Variants in AKAP8 observed in about 807,000 individuals in gnomAD.
The protein encoded by AKAP8 is A-kinase anchor protein 8.
A neutral mutation model predicts 67.5 loss-of-function variants in AKAP8; 24 were observed. That is an observed-to-expected ratio of 0.36 (90% CI 0.26 to 0.50). The LOEUF (loss-of-function observed/expected upper bound fraction) is 0.50, where lower values mean the gene tolerates loss of function less well. Among genes scored for constraint, AKAP8 ranks in the 20% least tolerant of loss-of-function variants. The pLI, the probability that AKAP8 is intolerant of heterozygous loss-of-function variation, is 0.97. For missense variants in AKAP8, 971 were observed against 955.9 expected (o/e 1.02, Z -0.21); for synonymous variants, 400 against 371.1 (o/e 1.08, Z -0.90).
intron 9 of AKAP8, among the ~76,000 whole-genome samples, chr19:15,364,339 TTTTA>T (rs1487249972): frequency 3.4e-5 from 5 of 148,046 alleles, no homozygotes; most frequent in African/African-American, 1.3e-4. Flanking sequence ...ATTTTTGTAT[TTTTA>T]TTTTATTTTA....
intron 1 of AKAP8, among the ~76,000 whole-genome samples, chr19:15,378,369 A>C (rs1226795107): frequency 6.6e-6 from 1 of 152,216 alleles, no homozygotes; most frequent in East Asian, 1.9e-4. Flanking sequence ...ACGCTCCCGG[A>C]AACACAAGAA....
chr19:15,372,371 T>C (rs771787290), intron 5 of AKAP8, 24 bp from the exon 6 acceptor site: 14 of 1,612,084 alleles, frequency 8.7e-6, no homozygotes, highest in Middle Eastern at 1.7e-4. Context: ...GCACACCCCA[T>C]GAGCTACTTA....
intron 4 of AKAP8, 107 bp downstream of exon 4, chr19:15,373,679 A>G: frequency 1.5e-6 from 2 of 1,352,326 alleles, no homozygotes; most frequent in South Asian, 1.4e-5. Context: ...TGCCACACCC[A>G]AGAGGGAGGC....
intron 13 of AKAP8, 116 bp downstream of exon 13, chr19:15,358,851 A>T: frequency 2.2e-6 from 2 of 929,086 alleles, no homozygotes; most frequent in Non-Finnish European, 3.5e-6. Flanking sequence ...AGTGTCCCTC[A>T]ACTGTCAAAA....
Position 15,355,271 on chromosome 19 carries a change from C to T in AKAP8, c.1723G>A (p.Ala575Thr), listed in dbSNP as rs1472042670. The change falls in exon 14 of 14, where the codon GCG (alanine) becomes ACG (threonine). Residue 575 changes from alanine to threonine, a missense_variant. Ala to Thr is a moderately conservative substitution (Grantham distance 58, BLOSUM62 0). Around this residue, in one of 3 missense-constraint regions of AKAP8, gnomAD observed 204 missense variants for 193.0 expected, o/e 1.06. Coordinates refer to ENST00000269701, the MANE Select transcript of AKAP8 (RefSeq NM_005858.4). The part of the protein sequence containing the change: ...DKKETPEEVA[A>T]DVLAEVITAA... Reference sequence around the variant, plus strand: ...GTAATCACCTCTGCTAAGACGTCCGCGGCCACCTCCTCAGGTGTCTCTTTC... The same window carrying T: ...GTAATCACCTCTGCTAAGACGTCCGTGGCCACCTCCTCAGGTGTCTCTTTC... The T allele has an allele frequency of 2.5e-6, 4 of 1,613,008 alleles. No homozygotes were observed. The highest frequency in any genetic ancestry group is 2.2e-5 in the South Asian group (2 of 91,092).
chr19:15,362,935 T>A lies in AKAP8; in HGVS notation c.1161-684A>T, dbSNP rs1270237973. On this transcript the variant is annotated intron_variant, in intron 9 of 13. Transcript: ENST00000269701. ...GAGGAGCGCCTCTTCCCGGCCGCCA[T>A]CACATCTGGGAAGTGAGGAGCGTCT... Among the ~76,000 whole-genome samples, 5 of 141,932 alleles carry A rather than the reference T, an allele frequency of 3.5e-5. No homozygotes were observed. In the South Asian group the frequency reaches 1.2e-3, roughly 33 times the overall value. The allele number at this position is 141,932 out of a possible 152,430, so 93.1% of individuals were successfully genotyped here.
chr19:15,361,970 C>T (rs973055819), intron 10 of AKAP8, 140 bp downstream of exon 10: 5 of 1,386,788 alleles, frequency 3.6e-6, no homozygotes, highest in Non-Finnish European at 2.9e-6. Flanking sequence ...GTCCCTGTGA[C>T]TCAGGGACTT....
At chr19:15,371,236 C>T (rs1967152271) in intron 7 of AKAP8, among the ~76,000 whole-genome samples, 1 of 152,136 alleles carries the variant, frequency 6.6e-6, no homozygotes, top group Non-Finnish European at 1.5e-5. Flanking sequence ...ACTGGGGTGG[C>T]TGAGGCACCT....
At chr19:15,371,235 G>A (rs1265891139) in intron 7 of AKAP8, among the ~76,000 whole-genome samples, 1 of 152,118 alleles carries the variant, frequency 6.6e-6, no homozygotes, top group African/African-American at 2.4e-5. Context: ...CACTGGGGTG[G>A]CTGAGGCACC....
intron 13 of AKAP8, among the ~76,000 whole-genome samples, chr19:15,357,086 T>G (rs1314566493): frequency 6.6e-6 from 1 of 151,884 alleles, no homozygotes; most frequent in Admixed American, 6.6e-5. Context: ...GCCTCCCAAG[T>G]AGCTGGGATT....
At chr19:15,376,687 C>A (rs1967258520) in intron 2 of AKAP8, among the ~76,000 whole-genome samples, 1 of 152,126 alleles carries the variant, frequency 6.6e-6, no homozygotes, top group Middle Eastern at 3.2e-3. Flanking sequence ...AAATATTTTG[C>A]CAAAATAGAG....
Position 15,372,331 on chromosome 19 carries a change from A to C in AKAP8, c.878T>G (p.Phe293Cys). 1 of 1,614,184 alleles carries C rather than the reference A, an allele frequency of 6.2e-7. No homozygotes were observed. Among genetic ancestry groups the C allele is most frequent in the Non-Finnish European group, 8.5e-7 (1 of 1,180,032 alleles). Residue 293 changes from phenylalanine (F) to cysteine (C), a missense_variant, in exon 6 of 14, where the codon TTT becomes TGT. Physicochemically the swap from Phe to Cys is radical, Grantham distance 205. Around this residue, in one of 3 missense-constraint regions of AKAP8, gnomAD observed 763 missense variants for 745.4 expected, o/e 1.02. Transcript: ENST00000269701. ...CGTGCCATCTGGTCCGAAGCGGTCA[A>C]ACCCTCTCCTCTTGGGCTACAGACA... ...RDRDRPKRRG[F>C]DRFGPDGTGR...
At chr19:15,363,808 T>C (rs1471263279) in intron 9 of AKAP8, among the ~76,000 whole-genome samples, 13 of 152,086 alleles carry the variant, frequency 8.5e-5, no homozygotes, top group Non-Finnish European at 1.3e-4. Flanking sequence ...TTTTGTTCTA[T>C]ACTAAGAAAA....
chr19:15,361,069 C>CTTAG lies in AKAP8; in HGVS notation c.1397-92_1397-91insCTAA, dbSNP rs930490106. The CTTAG allele has an allele frequency of 6.7e-6, 10 of 1,498,330 alleles. No individual in the cohort carries two copies. In the African/African-American group the frequency reaches 1.4e-4, roughly 21 times the overall value. The allele number at this position is 1,498,330 out of a possible 1,614,324, so 92.8% of individuals were successfully genotyped here. On this transcript the variant is annotated intron_variant, in intron 11 of 13. Coordinates refer to ENST00000269701, the MANE Select transcript of AKAP8 (RefSeq NM_005858.4). Reference sequence around the variant, plus strand: ...CTGGGCCCACGTTTTCTCCCTGCAACTCTAAGGAATCAGAAGGGCACAGCC... The same window carrying CTTAG: ...CTGGGCCCACGTTTTCTCCCTGCAACTTAGTCTAAGGAATCAGAAGGGCACAGCC...
At position 15,367,893 on chromosome 19, in the gene AKAP8, G is replaced by A. The variant is rs141348914; in HGVS notation, c.1160+342C>T. On this transcript the variant is annotated intron_variant, in intron 9 of 13. Transcript: ENST00000269701. ...GGCCTGCAGGAGAGTAACAGAGCCCGCTGCTGAGCAGTTATGGACCACACA... is the reference window on the plus strand; with the variant it reads ...GGCCTGCAGGAGAGTAACAGAGCCCACTGCTGAGCAGTTATGGACCACACA... 8.8e-3 allele frequency among the ~76,000 whole-genome samples: 1,337 copies of A among 152,352 alleles called. 9 individuals carry two copies. The highest frequency in any genetic ancestry group is 0.015 in the Non-Finnish European group (1,041 of 68,028).
At chr19:15,378,601 C>T (rs144284090) in intron 1 of AKAP8, among the ~76,000 whole-genome samples, 5 of 152,218 alleles carry the variant, frequency 3.3e-5, no homozygotes, top group African/African-American at 1.2e-4. Flanking sequence ...GACACCAAAG[C>T]ACACCGCGCA....
chr19:15,375,507 T>G (rs1456355178), intron 2 of AKAP8, among the ~76,000 whole-genome samples: 1 of 152,120 alleles, frequency 6.6e-6, no homozygotes, highest in Non-Finnish European at 1.5e-5. Flanking sequence ...ATGAGATACA[T>G]CACTTACACA....
rs180748829 is a variant in AKAP8, at chr19:15,368,303, G to A, written c.1092C>T (p.Asp364=). Residue 364 remains aspartate (D), a synonymous_variant, in exon 9 of 14, where the codon GAC becomes GAT. Transcript: ENST00000269701. ...TTTCCCTTCTCTTCTTCACATCCTCGTCCTCGTCCTCCTTCTCTCCTGTAA... is the reference window on the plus strand; with the variant it reads ...TTTCCCTTCTCTTCTTCACATCCTCATCCTCGTCCTCCTTCTCTCCTGTAA... ...GRQRGEKEDE[D]EDVKKRREKQ... The A allele has an allele frequency of 7.6e-5, 122 of 1,613,540 alleles. No homozygotes were observed. The Admixed American group carries it at 1.4e-3, about 19-fold the overall frequency.
At chr19:15,355,619 G>A (rs183803849) in intron 13 of AKAP8, among the ~76,000 whole-genome samples, 10 of 151,702 alleles carry the variant, frequency 6.6e-5, no homozygotes, top group East Asian at 1.9e-4. Context: ...GCAGTGGTGC[G>A]ATCTCGGCTC....
Sources: allele counts gnomAD v4.1 joint callset (sites outside exome capture counted in the v4.1 genomes callset), GRCh38; gene constraint gnomAD v4.1.1; regional missense constraint gnomAD v4.1.1; transcripts MANE v1.5; gene names NCBI Gene and HGNC (gene_info 2026-07-23, HGNC 2026-07-21).